RBFOX1: variants seen among roughly 807,000 people sequenced by gnomAD.
The protein encoded by RBFOX1 is RNA binding protein fox-1 homolog 1.
A neutral mutation model predicts 57.7 loss-of-function variants in RBFOX1; 8 were observed. The ratio of observed to expected loss-of-function variants is 0.14; its 90% CI spans 0.08 to 0.25. The LOEUF (loss-of-function observed/expected upper bound fraction) is 0.25. RBFOX1 is among the 10% of genes least tolerant of loss of function. The probability of loss-of-function intolerance (pLI) is 1.00; values close to 1 mark genes in which losing one functional copy is unlikely to be tolerated. For missense variants in RBFOX1, 611 were observed against 548.5 expected, an observed-to-expected ratio of 1.11 and a Z score of -1.14; for synonymous variants, 326 against 222.4, an observed-to-expected ratio of 1.47 and a Z score of -4.15.
chr16:6,969,797 C>T lies in RBFOX1; in HGVS notation c.-15-82260C>T, dbSNP rs529261464. Among the ~76,000 whole-genome samples, 29 of 152,028 alleles carry T rather than the reference C, an allele frequency of 1.9e-4. 1 individual carries two copies. The South Asian group carries it at 5.8e-3, about 31-fold the overall frequency. On this transcript the variant is annotated intron_variant, in intron 3 of 15. Transcript: ENST00000550418. ...TAATTGCTGAGCTCTCTGGTGCCCC[C>T]TTCAGTTGTGTTGCCTCATCCTCGT...
chr16:5,954,206 A>G (rs982261413), intron 4 of RBFOX1, among the ~76,000 whole-genome samples: 1 of 152,142 alleles, frequency 6.6e-6, no homozygotes, highest in Non-Finnish European at 1.5e-5. Context: ...GCTTCATCAC[A>G]TATTCAGGCT....
At chr16:6,424,569 G>T (rs1193231490) in intron 2 of RBFOX1, among the ~76,000 whole-genome samples, 1 of 151,602 alleles carries the variant, frequency 6.6e-6, no homozygotes, top group Non-Finnish European at 1.5e-5. Flanking sequence ...TGTTAATAGT[G>T]CTGAGGTTGA....
At chr16:5,776,135 T>C (rs988185644) in intron 3 of RBFOX1, among the ~76,000 whole-genome samples, 11 of 152,378 alleles carry the variant, frequency 7.2e-5, no homozygotes, top group African/African-American at 2.6e-4. Flanking sequence ...TCCCTTGGCA[T>C]TACAACGTTC....
At chr16:7,020,382 G>A (rs2038632319) in intron 3 of RBFOX1, among the ~76,000 whole-genome samples, 1 of 151,914 alleles carries the variant, frequency 6.6e-6, no homozygotes, top group African/African-American at 2.4e-5. Context: ...GCCATGCCCA[G>A]CTACTTTTTT....
intron 13 of RBFOX1, chr16:7,671,480 A>C (rs1265948744): frequency 2.2e-6 from 3 of 1,351,080 alleles, no homozygotes; most frequent in Non-Finnish European, 3.1e-6. Context: ...ATTGCTCTGG[A>C]ATTTGTCTGA....
intron 3 of RBFOX1, among the ~76,000 whole-genome samples, chr16:6,713,348 T>C (rs1007270840): frequency 2.0e-5 from 3 of 152,132 alleles, no homozygotes; most frequent in Non-Finnish European, 2.9e-5. Context: ...GATGACCAAG[T>C]TAATGCCAAC....
chr16:7,198,126 C>T (rs1427253010), intron 4 of RBFOX1, among the ~76,000 whole-genome samples: 1 of 151,202 alleles, frequency 6.6e-6, no homozygotes, highest in Non-Finnish European at 1.5e-5. Context: ...CTGCCTCAGC[C>T]TCCCAAGTAG....
intron 4 of RBFOX1, among the ~76,000 whole-genome samples, chr16:7,170,089 A>T (rs139436844): frequency 6.6e-6 from 1 of 152,146 alleles, no homozygotes; most frequent in Non-Finnish European, 1.5e-5. Context: ...AAATAAATAA[A>T]TAAATAAGTA....
At chr16:6,287,344 C>A (rs1380316586) in intron 1 of RBFOX1, among the ~76,000 whole-genome samples, 2 of 152,258 alleles carry the variant, frequency 1.3e-5, no homozygotes, top group East Asian at 1.9e-4. Context: ...TTGAAGTGAT[C>A]TTCGTTGTTT....
intron 3 of RBFOX1, among the ~76,000 whole-genome samples, chr16:6,979,499 G>C (rs1415124314): frequency 6.6e-6 from 1 of 152,268 alleles, no homozygotes; most frequent in Middle Eastern, 3.4e-3. Flanking sequence ...TGATTGAAGG[G>C]CTGTATGTTG....
At chr16:5,404,059 C>G (rs2066793877) in intron 1 of RBFOX1, among the ~76,000 whole-genome samples, 1 of 93,836 alleles carries the variant, frequency 1.1e-5, no homozygotes, top group Non-Finnish European at 1.9e-5. Flanking sequence ...AGCAGCTTGG[C>G]TTGTCTGAGT....
intron 4 of RBFOX1, among the ~76,000 whole-genome samples, chr16:7,140,825 C>A (rs910098266): frequency 6.6e-6 from 1 of 152,256 alleles, no homozygotes; most frequent in South Asian, 2.1e-4. Flanking sequence ...TTTCAAAGAT[C>A]CACACCTCTT....
intron 4 of RBFOX1, among the ~76,000 whole-genome samples, chr16:6,003,987 TGA>T (rs758358624): frequency 3.9e-5 from 6 of 152,188 alleles, no homozygotes; most frequent in Non-Finnish European, 7.3e-5. Context: ...TTGGGTTTAT[TGA>T]GAGTTTATTG....
At chr16:7,604,850 G>T (rs1204512387) in intron 9 of RBFOX1, among the ~76,000 whole-genome samples, 4 of 152,162 alleles carry the variant, frequency 2.6e-5, no homozygotes, top group Non-Finnish European at 5.9e-5. Context: ...ATTTAAGGTA[G>T]TAAGGATATT....
intron 3 of RBFOX1, among the ~76,000 whole-genome samples, chr16:6,980,955 A>G (rs961890753): frequency 2.7e-5 from 4 of 147,686 alleles, no homozygotes; most frequent in Non-Finnish European, 4.4e-5. Context: ...AGGCATGAGA[A>G]TCCCTTGAAC....
chr16:5,365,579 G>C (rs1889593005), intron 1 of RBFOX1, among the ~76,000 whole-genome samples: 1 of 152,188 alleles, frequency 6.6e-6, no homozygotes, highest in South Asian at 2.1e-4. Flanking sequence ...TGAGGCAGGA[G>C]AATCGCTTGT....
intron 1 of RBFOX1, among the ~76,000 whole-genome samples, chr16:5,441,883 G>T (rs915329653): frequency 1.3e-5 from 2 of 152,140 alleles, no homozygotes. Flanking sequence ...CTGACACCAT[G>T]ATTCAGTAAT....
At chr16:7,417,463 C>A (rs547219622) in intron 4 of RBFOX1, among the ~76,000 whole-genome samples, 9 of 151,986 alleles carry the variant, frequency 5.9e-5, no homozygotes, top group Admixed American at 5.9e-4. Flanking sequence ...ACACCACCAC[C>A]ACCAGGAAAC....
chr16:5,741,939 C>A (rs557923423), intron 3 of RBFOX1, among the ~76,000 whole-genome samples: 1 of 152,106 alleles, frequency 6.6e-6, no homozygotes, highest in Non-Finnish European at 1.5e-5. Flanking sequence ...TAGGGATGAA[C>A]GGGAATCATG....
Sources: gnomAD v4.1 joint callset for allele counts (sites outside exome capture counted in the v4.1 genomes callset) on GRCh38, gnomAD v4.1.1 for gene constraint, MANE v1.5 for transcripts, NCBI Gene and HGNC (gene_info 2026-07-23, HGNC 2026-07-21) for gene names.